NXPE2: variants seen among roughly 807,000 people sequenced by gnomAD.
NXPE2 encodes the protein neurexophilin and PC-esterase domain family member 2.
Under a neutral mutation model 34.4 loss-of-function variants are expected in NXPE2, and 34 were observed. The ratio of observed to expected loss-of-function variants is 0.99; its 90% CI spans 0.75 to 1.31. The LOEUF (loss-of-function observed/expected upper bound fraction) is 1.31, where lower values mean the gene tolerates loss of function less well. Among genes scored for constraint, NXPE2 ranks in the 40% most tolerant of loss-of-function variants. The pLI is 0.00. For missense variants in NXPE2, 649 were observed against 672.5 expected, an observed-to-expected ratio of 0.97 and a Z score of 0.39; for synonymous variants, 235 against 231.3, an observed-to-expected ratio of 1.02 and a Z score of -0.15.
At chr11:114,810,332 T>C in the NXPE2 span, among the ~76,000 whole-genome samples, 5 of 148,036 alleles carry the variant, frequency 3.4e-5, no homozygotes, top group African/African-American at 1.2e-4. Context: ...AAAGCCAAAA[T>C]TGACAAATGA....
the NXPE2 span, chr11:114,530,388 C>A: frequency 1.2e-6 from 2 of 1,614,172 alleles, no homozygotes; most frequent in South Asian, 1.1e-5. Flanking sequence ...AACAAATTTG[C>A]CTTTGAAAAT....
chr11:114,706,276 C>A, intron 5 of NXPE2, 119 bp from the exon 6 acceptor site: 1 of 813,468 alleles, frequency 1.2e-6, no homozygotes, highest in Non-Finnish European at 1.8e-6. Context: ...ATCCACCTTA[C>A]ATAGGCAATA....
downstream of NXPE2, among the ~76,000 whole-genome samples, chr11:114,708,631 A>G (rs1231142869): frequency 7.0e-6 from 1 of 143,082 alleles, no homozygotes; most frequent in East Asian, 1.9e-4. Context: ...CTCCATCTCA[A>G]AAAAAAAAAG....
At chr11:114,577,196 A>T in the NXPE2 span, among the ~76,000 whole-genome samples, 14 of 149,372 alleles carry the variant, frequency 9.4e-5, no homozygotes, top group Admixed American at 9.4e-4. Context: ...TTATACACAC[A>T]CACTGTGGAA....
At chr11:114,517,688 C>G in the NXPE2 span, among the ~76,000 whole-genome samples, 452 of 152,238 alleles carry the variant, frequency 3.0e-3, 3 homozygotes, top group African/African-American at 0.011. Flanking sequence ...TGTGCATCTC[C>G]ATGAAGGATG....
the NXPE2 span, among the ~76,000 whole-genome samples, chr11:114,667,156 A>T: frequency 3.9e-5 from 6 of 152,152 alleles, no homozygotes; most frequent in African/African-American, 1.4e-4. Flanking sequence ...TTACGTGAAG[A>T]TCCAGGTCCT....
chr11:114,493,676 GA>G, the NXPE2 span, among the ~76,000 whole-genome samples: 22 of 152,086 alleles, frequency 1.4e-4, no homozygotes, highest in African/African-American at 5.1e-4. Context: ...ACTATGTCTT[GA>G]AAAGTTGTAG....
the NXPE2 span, among the ~76,000 whole-genome samples, chr11:114,718,128 A>T: frequency 0.012 from 1,833 of 152,264 alleles, 38 homozygotes; most frequent in African/African-American, 0.041. Context: ...AATTAATACA[A>T]TCATGATCAT....
At position 114,704,069 on chromosome 11, in the gene NXPE2, G is replaced by A; in HGVS notation, c.928+17G>A. On this transcript the variant is annotated intron_variant, in intron 4 of 5. Transcript: ENST00000389586. ...CATGCAACAGTAAGTCTGGAGTGTT[G>A]TTGTCTGCCATGATCACAATTTATC... 1 of 1,533,746 alleles carries A rather than the reference G, an allele frequency of 6.5e-7. No homozygotes were observed. Among genetic ancestry groups the A allele is most frequent in the Non-Finnish European group, 8.8e-7 (1 of 1,130,642 alleles).
the NXPE2 span, among the ~76,000 whole-genome samples, chr11:114,621,350 T>G: frequency 2.2e-4 from 33 of 152,268 alleles, no homozygotes; most frequent in African/African-American, 7.9e-4. Flanking sequence ...TGTTGCCTCG[T>G]TAGTAAATAC....
chr11:114,711,763 T>C (rs1479857351), downstream of NXPE2, among the ~76,000 whole-genome samples: 1 of 152,174 alleles, frequency 6.6e-6, no homozygotes, highest in African/African-American at 2.4e-5. Flanking sequence ...AAAATTCATG[T>C]AGAATCTCAA....
chr11:114,540,570 A>AT, the NXPE2 span, among the ~76,000 whole-genome samples: 5 of 151,566 alleles, frequency 3.3e-5, no homozygotes, highest in Non-Finnish European at 5.9e-5. Context: ...ATGGGAAATA[A>AT]TTTTTTTTTA....
At chr11:114,811,721 C>T in the NXPE2 span, among the ~76,000 whole-genome samples, 1 of 152,098 alleles carries the variant, frequency 6.6e-6, no homozygotes, top group African/African-American at 2.4e-5. Context: ...GATCCAGGCA[C>T]CAATACTGAG....
the NXPE2 span, among the ~76,000 whole-genome samples, chr11:114,755,751 TCTC>T: frequency 6.6e-6 from 1 of 152,062 alleles, no homozygotes; most frequent in African/African-American, 2.4e-5. Context: ...TCTCTCTCTC[TCTC>T]TCTCTCTCTT....
chr11:114,663,678 T>TTATCTATCTATCTATCTATCTATC, the NXPE2 span, among the ~76,000 whole-genome samples: 18 of 146,058 alleles, frequency 1.2e-4, no homozygotes, highest in African/African-American at 2.3e-4. Flanking sequence ...ATCTATCTAT[T>TTATCTATCTATCTATCTATCTATC]TATCTATCTA....
the NXPE2 span, among the ~76,000 whole-genome samples, chr11:114,812,391 T>C: frequency 3.7e-3 from 564 of 152,308 alleles, 2 homozygotes; most frequent in African/African-American, 0.013. Context: ...TTTCTAATAA[T>C]TAGAATTATT....
rs553046450 is a variant in NXPE2, at chr11:114,688,584, A to G, written c.132+8822A>G. 8.7e-4 allele frequency among the ~76,000 whole-genome samples: 133 copies of G among 152,132 alleles called. No homozygotes were observed. In the Middle Eastern group the frequency reaches 0.014, roughly 16 times the overall value. On this transcript the variant is annotated intron_variant, in intron 2 of 5. Coordinates refer to ENST00000389586, the MANE Select transcript of NXPE2 (RefSeq NM_182495.6). The stretch of plus-strand genomic sequence containing the variant: ...TGTCTTTGCCAGATTTTGATATCAG[A>G]ATGATACTGGTTTTGTAGAATGAAT...
the NXPE2 span, among the ~76,000 whole-genome samples, chr11:114,672,144 C>T: frequency 1.3e-5 from 2 of 151,938 alleles, no homozygotes; most frequent in Non-Finnish European, 2.9e-5. Flanking sequence ...AAGTCCACCC[C>T]CATGATTCAA....
chr11:114,598,072 A>G, the NXPE2 span, among the ~76,000 whole-genome samples: 1 of 152,174 alleles, frequency 6.6e-6, no homozygotes, highest in South Asian at 2.1e-4. Context: ...GACTATAGGC[A>G]TTGGGTAAAT....
Sources: gnomAD v4.1 joint callset for allele counts (sites outside exome capture counted in the v4.1 genomes callset) on GRCh38, gnomAD v4.1.1 for gene constraint, MANE v1.5 for transcripts, NCBI Gene and HGNC (gene_info 2026-07-23, HGNC 2026-07-21) for gene names.